The following ANKFN1 variants were observed in gnomAD, a reference collection of about 807,000 sequenced individuals.
ANKFN1 encodes ankyrin repeat and fibronectin type III domain containing 1.
ANKFN1 carries 74 observed loss-of-function variants against 108.7 expected under a neutral mutation model. That is an observed-to-expected ratio of 0.68 (90% CI 0.56 to 0.83). The LOEUF (loss-of-function observed/expected upper bound fraction) is 0.83, where lower values mean the gene tolerates loss of function less well. Ranked by LOEUF, ANKFN1 falls within the 40% of genes least tolerant of loss-of-function variation. The pLI is 0.00. For synonymous variants in ANKFN1, 547 were observed against 516.2 expected, an observed-to-expected ratio of 1.06 and a Z score of -0.81; for missense variants, 1,505 against 1,382.3, an observed-to-expected ratio of 1.09 and a Z score of -1.41.
At chr17:56,295,616 G>T (rs1044606491) in intron 3 of ANKFN1, among the ~76,000 whole-genome samples, 3 of 140,530 alleles carry the variant, frequency 2.1e-5, no homozygotes, top group African/African-American at 9.7e-5. Flanking sequence ...TGTGTGGGCG[G>T]TGTGTGTGTG....
intron 14 of ANKFN1, among the ~76,000 whole-genome samples, chr17:56,460,840 C>T (rs1265994182): frequency 6.6e-6 from 1 of 152,176 alleles, no homozygotes. Flanking sequence ...AAACTATTCT[C>T]TTCCTTACAC....
chr17:56,413,643 A>G (rs1352153987), intron 8 of ANKFN1, among the ~76,000 whole-genome samples: 1 of 152,172 alleles, frequency 6.6e-6, no homozygotes, highest in Non-Finnish European at 1.5e-5. Flanking sequence ...GGAATGCTGA[A>G]TTTTATTGAA....
intron 3 of ANKFN1, among the ~76,000 whole-genome samples, chr17:56,259,348 G>C (rs17821183): frequency 1.3e-5 from 2 of 152,160 alleles, no homozygotes. Flanking sequence ...TGGCTGCTAC[G>C]TTAGGACTGC....
intron 15 of ANKFN1, among the ~76,000 whole-genome samples, chr17:56,466,996 A>T (rs1303174019): frequency 2.0e-5 from 3 of 152,124 alleles, no homozygotes; most frequent in Non-Finnish European, 2.9e-5. Context: ...GCACACTTAT[A>T]ATCTCAGCTG....
chr17:56,158,225 C>A (rs1359586136), intron 1 of ANKFN1, among the ~76,000 whole-genome samples: 3 of 152,198 alleles, frequency 2.0e-5, no homozygotes, highest in Non-Finnish European at 4.4e-5. Context: ...CCCTCACATA[C>A]ACCCCAGTGG....
At chr17:56,302,485 A>G (rs2044699404) in intron 3 of ANKFN1, among the ~76,000 whole-genome samples, 1 of 149,656 alleles carries the variant, frequency 6.7e-6, no homozygotes, top group Non-Finnish European at 1.5e-5. Context: ...ACTGCACTCC[A>G]GCCTGGACAA....
chr17:56,332,881 G>A (rs1365099548), intron 4 of ANKFN1, among the ~76,000 whole-genome samples: 2 of 151,992 alleles, frequency 1.3e-5, no homozygotes, highest in African/African-American at 4.8e-5. Context: ...CTAGGATTTT[G>A]ATTGAGATTG....
In ANKFN1 at chr17:56,302,814, AT is replaced by A. The variant is rs2044712339; in HGVS notation, c.54-23405del. Among the ~76,000 whole-genome samples, 3 of 152,170 alleles carry A rather than the reference AT, an allele frequency of 2.0e-5. No homozygotes were observed. In the South Asian group the frequency reaches 6.2e-4, roughly 32 times the overall value. On this transcript the variant is annotated intron_variant, in intron 3 of 20. Transcript: ENST00000682825. Reference sequence around the variant, plus strand: ...ACTGTTCTAGAACTTGCTTTTTAAAATTCTTCTTGAATATCTTTCTGTGTCA... The same window carrying A: ...ACTGTTCTAGAACTTGCTTTTTAAAATCTTCTTGAATATCTTTCTGTGTCA...
At position 56,095,548 on chromosome 17, in the gene ANKFN1, C is replaced by T. The variant is rs562586762; in HGVS notation, c.288+49223C>T. Among the ~76,000 whole-genome samples the T allele has an allele frequency of 4.6e-5, 7 of 152,090 alleles. No homozygotes were observed. The South Asian group carries it at 1.2e-3, about 27-fold the overall frequency. On this transcript the variant is annotated intron_variant, in intron 4 of 12. Transcript: ENST00000635860. Reference sequence around the variant, plus strand: ...AACTCCTGGCCTCAAGCAATCTTCCCGCCTCAGCCTCCCAAAGTGCTGGGA... The same window carrying T: ...AACTCCTGGCCTCAAGCAATCTTCCTGCCTCAGCCTCCCAAAGTGCTGGGA...
chr17:56,497,302 C>G (rs1196664288), intron 19 of ANKFN1, among the ~76,000 whole-genome samples: 2 of 152,142 alleles, frequency 1.3e-5, no homozygotes, highest in Non-Finnish European at 2.9e-5. Context: ...GCTGAACTTC[C>G]TGCCCAACTG....
intron 4 of ANKFN1, among the ~76,000 whole-genome samples, chr17:56,098,438 A>ACG (rs953196592): frequency 4.5e-5 from 6 of 132,860 alleles, no homozygotes; most frequent in Non-Finnish European, 9.0e-5. Context: ...ACACACACAC[A>ACG]CGCGCGCGCA....
intron 2 of ANKFN1, among the ~76,000 whole-genome samples, chr17:56,226,419 A>G (rs1420096871): frequency 6.6e-6 from 1 of 152,164 alleles, no homozygotes; most frequent in African/African-American, 2.4e-5. Context: ...CCCCACTCCT[A>G]ACCACCTTCA....
chr17:56,400,854 C>T (rs887314218), intron 8 of ANKFN1, among the ~76,000 whole-genome samples: 3 of 152,060 alleles, frequency 2.0e-5, no homozygotes, highest in African/African-American at 7.2e-5. Flanking sequence ...TGTCCTTTCC[C>T]CACTGTAAGT....
In ANKFN1 at chr17:56,124,485, G is replaced by C. The variant is rs57553334; in HGVS notation, c.288+78160G>C. Reference sequence around the variant, plus strand: ...GTACTGAGACACAGGACAGGCCCCAGTGTCCCTGCCGGTTTACTCAGCCCA... The same window carrying C: ...GTACTGAGACACAGGACAGGCCCCACTGTCCCTGCCGGTTTACTCAGCCCA... On this transcript the variant is annotated intron_variant, in intron 4 of 12. Transcript: ENST00000635860. 6.2e-3 allele frequency among the ~76,000 whole-genome samples: 943 copies of C among 152,284 alleles called. 18 individuals are homozygous for C. In the East Asian group the frequency reaches 0.065, roughly 10 times the overall value.
At chr17:56,413,634 G>T (rs996695702) in intron 8 of ANKFN1, among the ~76,000 whole-genome samples, 1 of 152,168 alleles carries the variant, frequency 6.6e-6, no homozygotes, top group East Asian at 1.9e-4. Context: ...TAACACAAAG[G>T]AATGCTGAAT....
chr17:56,104,729 T>C (rs986041152), intron 4 of ANKFN1, among the ~76,000 whole-genome samples: 22 of 152,308 alleles, frequency 1.4e-4, no homozygotes, highest in Admixed American at 5.2e-4. Context: ...CCTGTGCTTC[T>C]GCTCTGCTCC....
chr17:56,216,251 G>T (rs1017671300), intron 2 of ANKFN1, among the ~76,000 whole-genome samples: 3 of 152,188 alleles, frequency 2.0e-5, no homozygotes, highest in African/African-American at 7.2e-5. Context: ...TTTGAAAGCG[G>T]ATCCTTTATT....
At chr17:56,425,532 C>T (rs1328088793) in intron 8 of ANKFN1, among the ~76,000 whole-genome samples, 1 of 152,214 alleles carries the variant, frequency 6.6e-6, no homozygotes, top group Non-Finnish European at 1.5e-5. Flanking sequence ...AACCTGAGCT[C>T]CTGTCTCCTG....
Position 56,457,885 on chromosome 17 carries a change from T to C in ANKFN1, c.1463T>C (p.Ile488Thr). 1 of 1,613,742 alleles carries C rather than the reference T, an allele frequency of 6.2e-7. No homozygotes were observed. Among genetic ancestry groups the C allele is most frequent in the East Asian group, 2.2e-5 (1 of 44,874 alleles). ...FTKLSCMWED[I>T]RWLRQSIPIS... The stretch of plus-strand genomic sequence containing the variant: ...CAGCTGTCTTGTATGTGGGAAGATA[T>C]AAGGTGGCTGAGGCAAAGCATACCA... Residue 488 changes from isoleucine (I) to threonine (T), a missense_variant, in exon 14 of 21, where the codon ATA becomes ACA. By Grantham distance (89) the Ile-to-Thr change is moderately conservative (BLOSUM62 -1). Coordinates refer to ENST00000682825, the MANE Select transcript of ANKFN1 (RefSeq NM_001370326.1).
Sources: gnomAD v4.1 joint callset for allele counts (sites outside exome capture counted in the v4.1 genomes callset) on GRCh38, gnomAD v4.1.1 for gene constraint, MANE v1.5 for transcripts, NCBI Gene and HGNC (gene_info 2026-07-23, HGNC 2026-07-21) for gene names.